The following ODAD2 variants were observed in gnomAD, a reference collection of about 807,000 sequenced individuals.
ODAD2 encodes the protein outer dynein arm docking complex subunit 2.
A neutral mutation model predicts 106.8 loss-of-function variants in ODAD2; 89 were observed. The observed-to-expected ratio is 0.83, with a 90% confidence interval of 0.70 to 0.99. The LOEUF (loss-of-function observed/expected upper bound fraction) is 0.99, where lower values mean the gene tolerates loss of function less well. Among genes scored for constraint, ODAD2 ranks in the 50% least tolerant of loss-of-function variants. The probability of loss-of-function intolerance (pLI) is 0.00; values close to 1 mark genes in which losing one functional copy is unlikely to be tolerated. For missense variants in ODAD2, 1,168 were observed against 1,238.5 expected, an observed-to-expected ratio of 0.94 and a Z score of 0.85; for synonymous variants, 404 against 436.2, an observed-to-expected ratio of 0.93 and a Z score of 0.92.
intron 10 of ODAD2, among the ~76,000 whole-genome samples, 163 bp from the exon 11 acceptor site, chr10:27,945,125 T>C (rs912771765): frequency 1.3e-5 from 2 of 152,182 alleles, no homozygotes; most frequent in Non-Finnish European, 2.9e-5. Flanking sequence ...GTACAGAGCA[T>C]CATAAAACAT....
intron 19 of ODAD2, among the ~76,000 whole-genome samples, chr10:27,827,510 TA>T (rs1837163992): frequency 6.6e-6 from 1 of 151,746 alleles, no homozygotes; most frequent in Non-Finnish European, 1.5e-5. Context: ...CTCTCCTCCT[TA>T]AATCCTGCTG....
chr10:27,935,049 T>A lies in ODAD2; in HGVS notation c.2456A>T (p.Lys819Ile), dbSNP rs1341508556. ...TTCTACTGCACAAGCACCAACTGCTTTTGTAACATTCACAAGAAGAGCTTG... is the reference window on the plus strand; with the variant it reads ...TTCTACTGCACAAGCACCAACTGCTATTGTAACATTCACAAGAAGAGCTTG... ...INQALLVNVT[K>I]AVGACAVEPE... The change falls in exon 16 of 20, where the codon AAA (lysine) becomes ATA (isoleucine). Residue 819 changes from lysine to isoleucine, a missense_variant. Lys to Ile is a moderately radical substitution (Grantham distance 102). Coordinates refer to ENST00000305242, the MANE Select transcript of ODAD2 (RefSeq NM_018076.5). The A allele has an allele frequency of 6.2e-7, 1 of 1,613,998 alleles. No individual in the cohort carries two copies. The highest frequency in any genetic ancestry group is 8.5e-7 in the Non-Finnish European group (1 of 1,179,868).
chr10:27,878,900 A>G (rs1009729995), intron 17 of ODAD2, among the ~76,000 whole-genome samples: 2 of 152,274 alleles, frequency 1.3e-5, no homozygotes, highest in East Asian at 1.9e-4. Context: ...TTACCCTACC[A>G]AATGTAGTAC....
At chr10:27,868,337 C>G (rs1015852696) in intron 17 of ODAD2, among the ~76,000 whole-genome samples, 1 of 151,954 alleles carries the variant, frequency 6.6e-6, no homozygotes, top group South Asian at 2.1e-4. Flanking sequence ...GGGTATATAC[C>G]CAAAGGAATA....
intron 15 of ODAD2, among the ~76,000 whole-genome samples, chr10:27,935,894 G>A (rs1358308819): frequency 1.3e-5 from 2 of 150,382 alleles, no homozygotes; most frequent in African/African-American, 5.0e-5. Context: ...ACACCAAAAG[G>A]AAGCATGCTA....
intron 17 of ODAD2, among the ~76,000 whole-genome samples, chr10:27,882,228 A>AGAAAGAAAGAAAGAAG (rs879434149): frequency 2.6e-5 from 4 of 151,168 alleles, no homozygotes; most frequent in African/African-American, 9.7e-5. Flanking sequence ...AAAGAAAGAA[A>AGAAAGAAAGAAAGAAG]GAAAGAAATA....
chr10:27,864,507 T>TGGAGAGTGAGGTGAGAGC (rs1840288977), intron 17 of ODAD2, among the ~76,000 whole-genome samples: 2 of 126,788 alleles, frequency 1.6e-5, no homozygotes, highest in Non-Finnish European at 3.4e-5. Flanking sequence ...GAAGTGAGAG[T>TGGAGAGTGAGGTGAGAGC]GGAGAGTGAG....
chr10:27,929,246 T>TGGATAGATAAGGC (rs1845452966), intron 16 of ODAD2, among the ~76,000 whole-genome samples: 1 of 152,126 alleles, frequency 6.6e-6, no homozygotes, highest in African/African-American at 2.4e-5. Context: ...GAAGGATTGA[T>TGGATAGATAAGGC]GGATAGATAA....
chr10:27,962,639 G>T (rs1848215692), intron 9 of ODAD2, among the ~76,000 whole-genome samples: 1 of 152,216 alleles, frequency 6.6e-6, no homozygotes, highest in Admixed American at 6.5e-5. Flanking sequence ...TTCCACAGAA[G>T]TACACCACAT....
At chr10:27,881,336 A>G (rs558789819) in intron 17 of ODAD2, among the ~76,000 whole-genome samples, 1 of 152,248 alleles carries the variant, frequency 6.6e-6, no homozygotes, top group Admixed American at 6.5e-5. Flanking sequence ...ATTGTACTGT[A>G]TATTCAATGC....
chr10:27,997,328 A>G (rs1188502734), intron 1 of ODAD2, among the ~76,000 whole-genome samples: 2 of 152,236 alleles, frequency 1.3e-5, no homozygotes, highest in African/African-American at 4.8e-5. Flanking sequence ...ATAAGTGCAA[A>G]TAGCTTTATC....
chr10:27,948,341 G>T (rs971303298), intron 10 of ODAD2, among the ~76,000 whole-genome samples: 1 of 152,070 alleles, frequency 6.6e-6, no homozygotes, highest in Non-Finnish European at 1.5e-5. Context: ...CTCCCAAAGG[G>T]ATTATAAATC....
intron 16 of ODAD2, among the ~76,000 whole-genome samples, chr10:27,932,126 G>A (rs1482322201): frequency 6.6e-6 from 1 of 151,940 alleles, no homozygotes; most frequent in African/African-American, 2.4e-5. Context: ...ATAGAGACGG[G>A]GGTCTTGCTA....
intron 10 of ODAD2, among the ~76,000 whole-genome samples, chr10:27,951,951 T>C (rs986976917): frequency 2.0e-5 from 3 of 151,560 alleles, no homozygotes; most frequent in African/African-American, 7.3e-5. Flanking sequence ...GGCACGCTCC[T>C]GTAGTCCCAG....
chr10:27,873,814 G>A (rs1841099890), intron 17 of ODAD2, among the ~76,000 whole-genome samples: 1 of 152,206 alleles, frequency 6.6e-6, no homozygotes, highest in Non-Finnish European at 1.5e-5. Flanking sequence ...ATGTGGTGCT[G>A]AGAAGAATGC....
intron 17 of ODAD2, among the ~76,000 whole-genome samples, chr10:27,869,366 T>C (rs541135386): frequency 3.2e-4 from 48 of 152,046 alleles, no homozygotes; most frequent in African/African-American, 1.1e-3. Flanking sequence ...AAAAAAATCT[T>C]TCTCCTGAAA....
intron 12 of ODAD2, among the ~76,000 whole-genome samples, chr10:27,943,849 G>T (rs1846648709): frequency 7.6e-6 from 1 of 130,842 alleles, no homozygotes; most frequent in Admixed American, 8.0e-5. Context: ...GATGTCAACA[G>T]CTTTTAAGTT....
chr10:27,943,513 G>A (rs1846603464), intron 12 of ODAD2, among the ~76,000 whole-genome samples: 1 of 152,028 alleles, frequency 6.6e-6, no homozygotes, highest in Admixed American at 6.6e-5. Flanking sequence ...CAGGCTGGGT[G>A]CGTTGGCTCA....
At chr10:27,876,786 A>G (rs7077304) in intron 17 of ODAD2, among the ~76,000 whole-genome samples, 93,086 of 152,060 alleles carry the variant, frequency 0.61, 28,735 homozygotes, top group Middle Eastern at 0.72. Flanking sequence ...TTTCCAGTAC[A>G]CTTACTGTGT....
Sources: allele counts gnomAD v4.1 joint callset (sites outside exome capture counted in the v4.1 genomes callset), GRCh38; gene constraint gnomAD v4.1.1; transcripts MANE v1.5; gene names NCBI Gene and HGNC (gene_info 2026-07-23, HGNC 2026-07-21).